Variants in VPS13B observed in about 807,000 individuals in gnomAD.
VPS13B encodes the protein vacuolar protein sorting 13 homolog B, also known as intermembrane lipid transfer protein VPS13B.
VPS13B carries 285 observed loss-of-function variants against 426.4 expected under a neutral mutation model. That is an observed-to-expected ratio of 0.67 (90% CI 0.61 to 0.74). The LOEUF is 0.74. Ranked by LOEUF, VPS13B falls within the 30% of genes least tolerant of loss-of-function variation. VPS13B has a pLI of 0.00. For missense variants in VPS13B, 4,537 were observed against 4,782.6 expected, an observed-to-expected ratio of 0.95 and a Z score of 1.51; for synonymous variants, 1,676 against 1,676.4, an observed-to-expected ratio of 1.00 and a Z score of 0.01.
chr8:99,244,223 A>G (rs1175256574), intron 17 of VPS13B, among the ~76,000 whole-genome samples: 2 of 152,280 alleles, frequency 1.3e-5, no homozygotes, highest in African/African-American at 2.4e-5. Context: ...CCAAAGAAGT[A>G]TAACTGGCAT....
At chr8:99,159,778 G>C (rs1312009414) in intron 15 of VPS13B, among the ~76,000 whole-genome samples, 1 of 152,102 alleles carries the variant, frequency 6.6e-6, no homozygotes, top group Non-Finnish European at 1.5e-5. Context: ...TCCCATCTCA[G>C]TCTCCCAAGT....
At chr8:99,492,498 C>G (rs1820664500) in intron 25 of VPS13B, among the ~76,000 whole-genome samples, 1 of 152,198 alleles carries the variant, frequency 6.6e-6, no homozygotes, top group Non-Finnish European at 1.5e-5. Context: ...GGCAGTAGGT[C>G]TAGCTGAGTT....
chr8:99,030,959 G>T (rs906653358), intron 2 of VPS13B, among the ~76,000 whole-genome samples: 6 of 152,136 alleles, frequency 3.9e-5, no homozygotes, highest in African/African-American at 1.4e-4. Flanking sequence ...GAAGTGGTTT[G>T]ACTCTTTACA....
At chr8:99,767,484 C>T (rs146768825) in intron 40 of VPS13B, among the ~76,000 whole-genome samples, 158 of 79,726 alleles carry the variant, frequency 2.0e-3, no homozygotes, top group African/African-American at 8.0e-3. Flanking sequence ...TGACAAAGTG[C>T]AACTCTCTCA....
At chr8:99,168,241 A>G (rs1360973641) in intron 15 of VPS13B, among the ~76,000 whole-genome samples, 2 of 152,132 alleles carry the variant, frequency 1.3e-5, no homozygotes, top group African/African-American at 4.8e-5. Context: ...TAGGCAACAC[A>G]AAAGTATAAT....
At chr8:99,530,613 CAAAAAAA>C (rs1196820876) in intron 30 of VPS13B, among the ~76,000 whole-genome samples, 1 of 86,064 alleles carries the variant, frequency 1.2e-5, no homozygotes, top group African/African-American at 4.0e-5. Flanking sequence ...GACTCTGTCT[CAAAAAAA>C]AAAAAAAAAA....
At chr8:99,364,467 C>G (rs917735892) in intron 19 of VPS13B, among the ~76,000 whole-genome samples, 1 of 152,170 alleles carries the variant, frequency 6.6e-6, no homozygotes, top group Non-Finnish European at 1.5e-5. Flanking sequence ...AGGTCTCACT[C>G]TGTCACCCAG....
intron 19 of VPS13B, among the ~76,000 whole-genome samples, chr8:99,319,325 G>A (rs894173954): frequency 7.9e-5 from 12 of 152,274 alleles, no homozygotes; most frequent in African/African-American, 2.6e-4. Flanking sequence ...TGTCAAATGC[G>A]AAATGATATA....
At chr8:99,847,312 C>T (rs531794157) in intron 54 of VPS13B, among the ~76,000 whole-genome samples, 4 of 152,156 alleles carry the variant, frequency 2.6e-5, no homozygotes, top group Non-Finnish European at 5.9e-5. Flanking sequence ...ATAATTGGGT[C>T]AGACACATAA....
At chr8:99,183,684 A>G (rs1010550097) in intron 16 of VPS13B, among the ~76,000 whole-genome samples, 1 of 152,048 alleles carries the variant, frequency 6.6e-6, no homozygotes, top group African/African-American at 2.4e-5. Flanking sequence ...ATATAAATAT[A>G]TTTTTTCATA....
intron 2 of VPS13B, among the ~76,000 whole-genome samples, chr8:99,016,572 G>T (rs1587916983): frequency 9.7e-5 from 11 of 113,362 alleles, no homozygotes; most frequent in South Asian, 5.9e-4. Flanking sequence ...CTGTCTTATT[G>T]ATATATAGGA....
At chr8:99,864,888 G>A (rs1446845669) in intron 58 of VPS13B, among the ~76,000 whole-genome samples, 1 of 152,208 alleles carries the variant, frequency 6.6e-6, no homozygotes, top group Non-Finnish European at 1.5e-5. Flanking sequence ...CAATCAGGAT[G>A]TGGGGAGACT....
intron 19 of VPS13B, among the ~76,000 whole-genome samples, chr8:99,364,840 T>G (rs756114904): frequency 1.1e-4 from 17 of 152,180 alleles, no homozygotes; most frequent in Non-Finnish European, 1.6e-4. Context: ...GAAAATAGTT[T>G]GAGTAGGATT....
chr8:99,227,608 T>C (rs1292796898), intron 17 of VPS13B, among the ~76,000 whole-genome samples: 1 of 152,112 alleles, frequency 6.6e-6, no homozygotes, highest in Non-Finnish European at 1.5e-5. Context: ...ATATAATTAG[T>C]AGATTGCTGA....
At chr8:99,498,912 T>C (rs1211827090) in intron 25 of VPS13B, among the ~76,000 whole-genome samples, 4 of 152,172 alleles carry the variant, frequency 2.6e-5, no homozygotes, top group Admixed American at 1.3e-4. Context: ...TCGAAGTGTT[T>C]AGCCCTTTGG....
chr8:99,168,766 T>C, intron 15 of VPS13B, among the ~76,000 whole-genome samples: 1 of 152,080 alleles, frequency 6.6e-6, no homozygotes. Context: ...TCTTATCTAT[T>C]GGTTAATAGC....
chr8:99,650,285 A>G lies in VPS13B; in HGVS notation c.5908+7787A>G, dbSNP rs1319772837. Among the ~76,000 whole-genome samples the G allele has an allele frequency of 2.0e-5, 3 of 152,120 alleles. No homozygotes were observed. The East Asian group carries it at 5.8e-4, about 29-fold the overall frequency. On this transcript the variant is annotated intron_variant, in intron 34 of 61. Transcript: ENST00000357162. ...CTTGATTCTTCCCGTGTCACCAATA[A>G]GCACACACTCAGAGGGCAGCAATGG...
At chr8:99,862,093 C>T (rs575724966) in intron 58 of VPS13B, 147 bp downstream of exon 58, 12 of 962,056 alleles carry the variant, frequency 1.2e-5, no homozygotes, top group South Asian at 1.0e-4. Flanking sequence ...TTCTACAGTG[C>T]GTCCCGCCGG....
chr8:99,302,918 G>A (rs919227220), intron 19 of VPS13B, among the ~76,000 whole-genome samples: 6 of 152,166 alleles, frequency 3.9e-5, no homozygotes, highest in Non-Finnish European at 8.8e-5. Context: ...AAAATCCTAA[G>A]TTGAACCAAC....
Sources: allele counts gnomAD v4.1 joint callset (sites outside exome capture counted in the v4.1 genomes callset), GRCh38; gene constraint gnomAD v4.1.1; transcripts MANE v1.5; gene names NCBI Gene and HGNC (gene_info 2026-07-23, HGNC 2026-07-21).